Variants in TOX observed in about 807,000 individuals in gnomAD.
TOX encodes thymocyte selection associated high mobility group box.
Under a neutral mutation model 53.7 loss-of-function variants are expected in TOX, and 11 were observed. The observed-to-expected ratio is 0.20, with a 90% CI of 0.13 to 0.34. The LOEUF is 0.34. Ranked by LOEUF, TOX falls within the 10% of genes least tolerant of loss-of-function variation. The pLI is 1.00. For missense variants in TOX, 570 were observed against 664.6 expected, an observed-to-expected ratio of 0.86 and a Z score of 1.56; for synonymous variants, 225 against 245.3, an observed-to-expected ratio of 0.92 and a Z score of 0.77.
chr8:58,979,198 A>G (rs1014620070), intron 1 of TOX, among the ~76,000 whole-genome samples: 4 of 152,248 alleles, frequency 2.6e-5, no homozygotes, highest in African/African-American at 9.6e-5. Context: ...CAATGCCACA[A>G]TTATACTTCT....
chr8:59,099,143 A>C (rs1804763061), intron 1 of TOX, among the ~76,000 whole-genome samples: 1 of 152,208 alleles, frequency 6.6e-6, no homozygotes, highest in East Asian at 1.9e-4. Context: ...TAATCTCAGA[A>C]CCTCTTGATA....
At chr8:58,907,469 C>A (rs184339417) in intron 3 of TOX, among the ~76,000 whole-genome samples, 1 of 152,040 alleles carries the variant, frequency 6.6e-6, no homozygotes, top group Non-Finnish European at 1.5e-5. Context: ...ATGGCGTGCA[C>A]GTGTAATCTC....
intron 6 of TOX, among the ~76,000 whole-genome samples, chr8:58,825,779 T>C (rs1053583688): frequency 6.6e-6 from 1 of 152,204 alleles, no homozygotes; most frequent in African/African-American, 2.4e-5. Context: ...TTATACACAT[T>C]CTATGTAATA....
At chr8:59,020,630 A>T (rs1322428133) in intron 1 of TOX, among the ~76,000 whole-genome samples, 1 of 152,158 alleles carries the variant, frequency 6.6e-6, no homozygotes, top group Non-Finnish European at 1.5e-5. Context: ...TAAAAGTATT[A>T]TCATACTTTT....
intron 1 of TOX, among the ~76,000 whole-genome samples, chr8:58,989,230 C>A (rs979162907): frequency 5.9e-5 from 9 of 151,924 alleles, no homozygotes; most frequent in African/African-American, 2.2e-4. Flanking sequence ...GCAGGAGAAT[C>A]GCTTGAACCT....
chr8:58,938,952 T>C (rs1812390355), intron 3 of TOX, among the ~76,000 whole-genome samples: 1 of 152,148 alleles, frequency 6.6e-6, no homozygotes, highest in African/African-American at 2.4e-5. Flanking sequence ...GATCTCCCTT[T>C]TGGGGAGGAA....
chr8:58,857,262 T>C (rs1349226179), intron 3 of TOX, among the ~76,000 whole-genome samples: 1 of 152,188 alleles, frequency 6.6e-6, no homozygotes, highest in Non-Finnish European at 1.5e-5. Context: ...AGGTAATTTC[T>C]CATGTGTGTG....
chr8:58,878,555 A>G (rs896037235), intron 3 of TOX, among the ~76,000 whole-genome samples: 1 of 152,376 alleles, frequency 6.6e-6, no homozygotes, highest in South Asian at 2.1e-4. Flanking sequence ...TCTATTTTAC[A>G]GTATCAACAC....
chr8:58,832,070 G>A (rs565498201), intron 5 of TOX, among the ~76,000 whole-genome samples: 1 of 149,496 alleles, frequency 6.7e-6, no homozygotes, highest in African/African-American at 2.4e-5. Context: ...GCCCATAAAG[G>A]CATGTAAGAA....
intron 1 of TOX, among the ~76,000 whole-genome samples, chr8:59,012,428 C>T (rs911834330): frequency 6.6e-6 from 1 of 151,838 alleles, no homozygotes; most frequent in African/African-American, 2.4e-5. Context: ...TGAGACTTAG[C>T]CTGCCACGAG....
intron 5 of TOX, among the ~76,000 whole-genome samples, chr8:58,837,542 GA>G (rs974400442): frequency 1.3e-5 from 2 of 152,042 alleles, no homozygotes; most frequent in East Asian, 1.9e-4. Flanking sequence ...ATGAGAGAAG[GA>G]AAAAACCAGG....
At chr8:58,998,493 G>GTATATATATA (rs61434586) in intron 1 of TOX, among the ~76,000 whole-genome samples, 12 of 63,614 alleles carry the variant, frequency 1.9e-4, no homozygotes, top group African/African-American at 5.5e-4. Flanking sequence ...CATCTCAAAA[G>GTATATATATA]TATATATATA....
intron 6 of TOX, among the ~76,000 whole-genome samples, chr8:58,825,809 G>C (rs1197604612): frequency 6.6e-6 from 1 of 152,040 alleles, no homozygotes; most frequent in Non-Finnish European, 1.5e-5. Flanking sequence ...ATGTGAGTTG[G>C]TATCAACAGA....
chr8:59,024,885 CCAGT>C (rs1563421865), intron 1 of TOX, among the ~76,000 whole-genome samples: 1 of 152,002 alleles, frequency 6.6e-6, no homozygotes, highest in African/African-American at 2.4e-5. Flanking sequence ...AATTCCAAAG[CCAGT>C]CAAATTTGGC....
intron 3 of TOX, among the ~76,000 whole-genome samples, chr8:58,930,603 C>T (rs1812240950): frequency 6.6e-6 from 1 of 152,126 alleles, no homozygotes; most frequent in African/African-American, 2.4e-5. Flanking sequence ...ATTCGCTGGA[C>T]CTGAAATGAG....
chr8:58,992,097 CTA>C (rs932139253), intron 1 of TOX: 1 of 152,194 alleles, frequency 6.6e-6, no homozygotes, highest in African/African-American at 2.4e-5. Context: ...ATGCTGCTGG[CTA>C]TGACTTTGTA....
At chr8:58,926,434 A>T (rs1812161164) in intron 3 of TOX, among the ~76,000 whole-genome samples, 1 of 152,128 alleles carries the variant, frequency 6.6e-6, no homozygotes, top group Admixed American at 6.5e-5. Flanking sequence ...CTTGAACGGG[A>T]ATGAAGAAAA....
At chr8:58,835,393 G>A (rs1810528829) in intron 5 of TOX, among the ~76,000 whole-genome samples, 1 of 152,250 alleles carries the variant, frequency 6.6e-6, no homozygotes, top group South Asian at 2.1e-4. Context: ...TGCCAGAATG[G>A]GAAAATGGGA....
intron 3 of TOX, among the ~76,000 whole-genome samples, chr8:58,875,370 G>A (rs1323541425): frequency 6.6e-6 from 1 of 152,066 alleles, no homozygotes; most frequent in Non-Finnish European, 1.5e-5. Flanking sequence ...GGTATTACAT[G>A]TATTGTCTAT....
Sources: allele counts gnomAD v4.1 joint callset (sites outside exome capture counted in the v4.1 genomes callset), GRCh38; gene constraint gnomAD v4.1.1; transcripts MANE v1.5; gene names NCBI Gene and HGNC (gene_info 2026-07-23, HGNC 2026-07-21).